Variants in RGMA observed in about 807,000 individuals in gnomAD.
The protein encoded by RGMA is repulsive guidance molecule BMP co-receptor a.
Under a neutral mutation model 23.2 loss-of-function variants are expected in RGMA, and 10 were observed. The observed-to-expected ratio is 0.43, with a 90% CI of 0.27 to 0.73. The LOEUF (loss-of-function observed/expected upper bound fraction) is 0.73. RGMA is among the 30% of genes least tolerant of loss of function. The probability of loss-of-function intolerance (pLI) is 0.20; values close to 1 mark genes in which losing one functional copy is unlikely to be tolerated. For synonymous variants in RGMA, 308 were observed against 279.3 expected (o/e 1.10, Z -1.03); for missense variants, 547 against 630.5 (o/e 0.87, Z 1.42).
chr15:93,057,989 A>G (rs569370798), intron 2 of RGMA, among the ~76,000 whole-genome samples: 37 of 152,092 alleles, frequency 2.4e-4, no homozygotes, highest in Non-Finnish European at 4.9e-4. Flanking sequence ...TTCCTTCCCC[A>G]AGTTTTCACG....
At chr15:93,085,609 T>G (rs1360165862) in intron 1 of RGMA, among the ~76,000 whole-genome samples, 1 of 152,258 alleles carries the variant, frequency 6.6e-6, no homozygotes, top group Admixed American at 6.5e-5. Context: ...ATTTCGTAAG[T>G]TGGGTAGGTA....
rs2054745766 is a variant in RGMA at position 93,043,130 on chromosome 15, T to G, written c.*1868A>C. ...TGGTGGCTGTTAAACTGCTGCATCTTCTATCCGCCTTCACACCATTCTCAC... is the reference window on the plus strand; with the variant it reads ...TGGTGGCTGTTAAACTGCTGCATCTGCTATCCGCCTTCACACCATTCTCAC... On this transcript the variant is annotated 3_prime_UTR_variant, in exon 4 of 4. Coordinates refer to ENST00000329082, the MANE Select transcript of RGMA (RefSeq NM_020211.3). The G allele has an allele frequency of 6.6e-6, 1 of 152,288 alleles. No individual in the cohort carries two copies. The highest frequency in any genetic ancestry group is 2.4e-5 in the African/African-American group (1 of 41,458). The allele number at this position is 152,288 out of a possible 1,614,324, so 9.4% of individuals were successfully genotyped here.
At chr15:93,055,168 G>A (rs912295190) in intron 2 of RGMA, among the ~76,000 whole-genome samples, 3 of 152,126 alleles carry the variant, frequency 2.0e-5, no homozygotes, top group African/African-American at 7.2e-5. Context: ...CAACCGGAAG[G>A]AACACTGGTC....
rs552583370 is a variant in RGMA, at chr15:93,058,452, G to A, written c.131-5945C>T. Among the ~76,000 whole-genome samples the A allele has an allele frequency of 3.3e-5, 5 of 152,382 alleles. No individual in the cohort carries two copies. In the East Asian group the frequency reaches 9.6e-4, roughly 29 times the overall value. On this transcript the variant is annotated intron_variant, in intron 2 of 3. Coordinates refer to ENST00000329082, the MANE Select transcript of RGMA (RefSeq NM_020211.3). ...GAGCAAAGCCGGGAGACTCGGGAAG[G>A]AAGCTCTGTGACAGCCAGTTTTGTG...
At position 93,044,808 on chromosome 15, in the gene RGMA, G is replaced by A; in HGVS notation, c.*190C>T. ...TCTACTGTCAAACATCATGGCACCA[G>A]TCACCACAACCTTGTCACGTGCACT... On this transcript the variant is annotated 3_prime_UTR_variant, in exon 4 of 4. Coordinates refer to ENST00000329082, the MANE Select transcript of RGMA (RefSeq NM_020211.3). 1 of 602,624 alleles carries A rather than the reference G, an allele frequency of 1.7e-6. No individual in the cohort carries two copies. The highest frequency in any genetic ancestry group is 2.9e-6 in the Non-Finnish European group (1 of 339,098). The allele number at this position is 602,624 out of a possible 1,614,324, so 37.3% of individuals were successfully genotyped here.
chr15:93,048,270 C>T (rs537655148), intron 3 of RGMA, among the ~76,000 whole-genome samples: 5 of 152,134 alleles, frequency 3.3e-5, no homozygotes, highest in Admixed American at 3.3e-4. Context: ...CCCGGAAGAA[C>T]AGAGGGAGAC....
intron 1 of RGMA, 199 bp from the exon 2 acceptor site, chr15:93,073,230 G>T: frequency 1.8e-6 from 2 of 1,085,278 alleles, no homozygotes; most frequent in East Asian, 4.2e-5. Context: ...CAATGTCGAC[G>T]CGGCCCCGCG....
intron 2 of RGMA, among the ~76,000 whole-genome samples, chr15:93,057,873 C>T (rs1173492705): frequency 6.6e-6 from 1 of 152,178 alleles, no homozygotes; most frequent in Non-Finnish European, 1.5e-5. Flanking sequence ...ACATCGAGCT[C>T]TCGTATCTCT....
chr15:93,053,935 G>GA (rs1013010476), intron 2 of RGMA, among the ~76,000 whole-genome samples: 1 of 151,562 alleles, frequency 6.6e-6, no homozygotes, highest in Non-Finnish European at 1.5e-5. Context: ...TGTGCATTAA[G>GA]AAAAAAAAAT....
intron 1 of RGMA, chr15:93,073,260 G>GC (rs1226694360): frequency 1.0e-6 from 1 of 965,894 alleles, no homozygotes; most frequent in Non-Finnish European, 1.3e-6. Flanking sequence ...CCTGCGCACC[G>GC]CCCCCTCGCG....
chr15:93,045,376 G>T lies in RGMA; in HGVS notation c.975C>A (p.Ile325=), dbSNP rs192773212. The T allele has an allele frequency of 2.1e-3, 3,440 of 1,612,964 alleles. 7 individuals are homozygous for T. The highest frequency in any genetic ancestry group is 3.0e-3 in the Admixed American group (180 of 60,008). The change falls in exon 4 of 4, where the codon ATC becomes ATA. Residue 325 remains isoleucine (I), a synonymous_variant. Transcript: ENST00000329082. The surrounding 1 kb of genome is among the most constrained non-coding windows in gnomAD (Gnocchi z 6.9). ...CATTGGTGTGGAAGGCCTGGAAGTC[G>T]ATCTGCTGGTTGAGGGGGCAGCCCC... ...CLRGCPLNQQ[I]DFQAFHTNAE...
At chr15:93,074,130 CAAAT>C in intron 1 of RGMA, 2 of 704,696 alleles carry the variant, frequency 2.8e-6, no homozygotes, top group South Asian at 3.8e-5. Flanking sequence ...GGATGAAACA[CAAAT>C]AGTCCTGAGC....
chr15:93,066,542 A>G (rs4778091), intron 2 of RGMA: 283,617 of 478,418 alleles, frequency 0.59, 86,758 homozygotes, highest in East Asian at 0.87. Context: ...CCTCCCCGCC[A>G]CCTGCTTTCT....
intron 1 of RGMA, chr15:93,088,282 C>T (rs980785210): frequency 4.1e-6 from 4 of 985,418 alleles, no homozygotes; most frequent in Admixed American, 6.1e-5. Flanking sequence ...GGCTTGTACC[C>T]TGGGTTGAGC....
intron 3 of RGMA, among the ~76,000 whole-genome samples, chr15:93,050,732 G>A (rs1319982541): frequency 6.6e-6 from 1 of 152,172 alleles, no homozygotes; most frequent in Admixed American, 6.5e-5. Flanking sequence ...CTGGAGGAGC[G>A]AGCCACCTGG....
rs551041705 is a variant in RGMA, at chr15:93,066,507, G to A, written c.130+6409C>T. 150 of 503,742 alleles carry A rather than the reference G, an allele frequency of 3.0e-4. 4 individuals are homozygous for A. The highest frequency in any genetic ancestry group is 2.5e-3 in the South Asian group (145 of 58,798). 31.2% of individuals were successfully genotyped at this position (503,742 alleles called of 1,614,324 possible). ...GGGTCCCATCCCAGCAGCGGGGCCC[G>A]AGGCGACTCCGCCCCTGCCACCGCC... On this transcript the variant is annotated intron_variant, in intron 2 of 3. Coordinates refer to ENST00000329082, the MANE Select transcript of RGMA (RefSeq NM_020211.3).
chr15:93,088,201 G>T, intron 1 of RGMA: 1 of 855,002 alleles, frequency 1.2e-6, no homozygotes, highest in Non-Finnish European at 1.4e-6. Context: ...TTAATAAGAC[G>T]CAATCCCGAA....
intron 2 of RGMA, 100 bp downstream of exon 2, chr15:93,072,816 T>G: frequency 2.3e-6 from 3 of 1,296,006 alleles, no homozygotes; most frequent in Non-Finnish European, 3.2e-6. Context: ...CCGGAGGAGG[T>G]CCGGAGAACT....
At chr15:93,070,323 GACTAGC>G (rs1895282677) in intron 2 of RGMA, among the ~76,000 whole-genome samples, 1 of 152,212 alleles carries the variant, frequency 6.6e-6, no homozygotes, top group Non-Finnish European at 1.5e-5. Context: ...CATTCAAGCT[GACTAGC>G]ACAGAACAAA....
Sources: gnomAD v4.1 joint callset for allele counts (sites outside exome capture counted in the v4.1 genomes callset) on GRCh38, gnomAD v4.1.1 for gene constraint, Gnocchi (gnomAD v3.1) non-coding constraint, MANE v1.5 for transcripts, NCBI Gene and HGNC (gene_info 2026-07-23, HGNC 2026-07-21) for gene names.